Variants in APBB1IP observed in about 807,000 individuals in gnomAD.
APBB1IP encodes amyloid beta A4 precursor protein-binding family B member 1-interacting protein.
APBB1IP carries 27 observed loss-of-function variants against 64.9 expected under a neutral mutation model. That is an observed-to-expected ratio of 0.42 (90% CI 0.31 to 0.57). The LOEUF is 0.57. APBB1IP is among the 20% of genes least tolerant of loss of function. The pLI, the probability that APBB1IP is intolerant of heterozygous loss-of-function variation, is 0.20. For synonymous variants in APBB1IP, 392 were observed against 331.0 expected (o/e 1.18, Z -2.00); for missense variants, 812 against 845.5 (o/e 0.96, Z 0.49).
intron 8 of APBB1IP, among the ~76,000 whole-genome samples, chr10:26,516,461 T>C (rs895555443): frequency 1.4e-5 from 2 of 142,896 alleles, no homozygotes; most frequent in Non-Finnish European, 3.0e-5. Context: ...GGAGAATTGC[T>C]TGGACCCAGG....
chr10:26,462,906 T>C (rs918631657), intron 2 of APBB1IP, among the ~76,000 whole-genome samples: 2 of 152,224 alleles, frequency 1.3e-5, no homozygotes, highest in Admixed American at 6.5e-5. Context: ...ATAATTTTAA[T>C]GAAAGGGTTA....
intron 2 of APBB1IP, among the ~76,000 whole-genome samples, chr10:26,448,148 A>G (rs1291677273): frequency 2.6e-4 from 1 of 3,912 alleles, no homozygotes; most frequent in Non-Finnish European, 4.8e-3. Context: ...TTTAAAAATA[A>G]TATATTAATT....
intron 10 of APBB1IP, among the ~76,000 whole-genome samples, chr10:26,536,653 A>G (rs989064835): frequency 6.7e-6 from 1 of 148,930 alleles, no homozygotes; most frequent in Non-Finnish European, 1.5e-5. Flanking sequence ...GTACAGTGGC[A>G]TGATCTGGAC....
At chr10:26,517,833 T>C (rs1836351412) in intron 8 of APBB1IP, among the ~76,000 whole-genome samples, 1 of 152,272 alleles carries the variant, frequency 6.6e-6, no homozygotes, top group Non-Finnish European at 1.5e-5. Flanking sequence ...CAAGTAATGC[T>C]GTTGGGAGCA....
intron 8 of APBB1IP, among the ~76,000 whole-genome samples, chr10:26,528,743 C>T (rs1836511268): frequency 6.6e-6 from 1 of 152,146 alleles, no homozygotes; most frequent in African/African-American, 2.4e-5. Context: ...TTCAAACCAG[C>T]CTGGGCAACA....
rs1408174571 is a variant in APBB1IP at position 26,459,786 on chromosome 10, T to G, written c.-1+20933T>G. Among the ~76,000 whole-genome samples the G allele has an allele frequency of 2.6e-5, 4 of 152,188 alleles. No individual in the cohort carries two copies. In the South Asian group the frequency reaches 8.3e-4, roughly 31 times the overall value. ...GTCAGAGAATGTGGCTATTTCTCCT[T>G]TGAGAAATTTATTTACATTTTCTGG... On this transcript the variant is annotated intron_variant, in intron 2 of 14. Coordinates refer to ENST00000376236, the MANE Select transcript of APBB1IP (RefSeq NM_019043.4).
chr10:26,445,056 C>A (rs1246429344), intron 2 of APBB1IP, among the ~76,000 whole-genome samples: 3 of 149,610 alleles, frequency 2.0e-5, no homozygotes, highest in African/African-American at 4.9e-5. Flanking sequence ...CAAGATCATG[C>A]CACTGCACTC....
intron 13 of APBB1IP, among the ~76,000 whole-genome samples, chr10:26,561,064 C>T (rs140218181): frequency 1.4e-4 from 10 of 69,218 alleles, no homozygotes; most frequent in South Asian, 6.0e-4. Flanking sequence ...TTCTTTCTTT[C>T]TTTTTTTTTT....
Position 26,501,180 on chromosome 10 carries a change from T to G in APBB1IP, c.453+69T>G, listed in dbSNP as rs787039. On this transcript the variant is annotated intron_variant, in intron 5 of 14. Coordinates refer to ENST00000376236, the MANE Select transcript of APBB1IP (RefSeq NM_019043.4). Reference sequence around the variant, plus strand: ...TACCTATCACTGATGTTCCTTGAAGTGATCATTACATTCCTAAGTTGGTAC... The same window carrying G: ...TACCTATCACTGATGTTCCTTGAAGGGATCATTACATTCCTAAGTTGGTAC... 1.9e-6 allele frequency: 3 copies of G among 1,590,648 alleles called. No individual in the cohort carries two copies. The South Asian group carries it at 3.3e-5, about 18-fold the overall frequency.
intron 11 of APBB1IP, among the ~76,000 whole-genome samples, chr10:26,555,089 T>C (rs898087646): frequency 6.6e-6 from 1 of 152,156 alleles, no homozygotes; most frequent in African/African-American, 2.4e-5. Flanking sequence ...GCATGCCTGA[T>C]TTTCTTCCTG....
At chr10:26,504,241 T>C (rs1425709467) in intron 6 of APBB1IP, among the ~76,000 whole-genome samples, 1 of 152,248 alleles carries the variant, frequency 6.6e-6, no homozygotes, top group African/African-American at 2.4e-5. Context: ...GTGCTCTGGT[T>C]TCAAAATAGG....
chr10:26,449,293 TTA>T (rs749042105), intron 2 of APBB1IP, among the ~76,000 whole-genome samples: 16 of 151,996 alleles, frequency 1.1e-4, no homozygotes, highest in Non-Finnish European at 1.6e-4. Flanking sequence ...GGGTGTGTGT[TTA>T]TGTTTGTGTG....
intron 3 of APBB1IP, among the ~76,000 whole-genome samples, chr10:26,494,649 AC>A (rs1490105723): frequency 6.6e-6 from 1 of 152,004 alleles, no homozygotes; most frequent in Admixed American, 6.6e-5. Context: ...ATATGGTGAA[AC>A]CCCATCTTTA....
At chr10:26,468,471 A>C (rs1489746685) in intron 2 of APBB1IP, among the ~76,000 whole-genome samples, 2 of 152,192 alleles carry the variant, frequency 1.3e-5, no homozygotes, top group African/African-American at 2.4e-5. Context: ...TCAGGGCAGA[A>C]AACCTTGACC....
intron 2 of APBB1IP, among the ~76,000 whole-genome samples, chr10:26,486,258 A>T (rs551090029): frequency 1.2e-4 from 18 of 152,234 alleles, no homozygotes; most frequent in Admixed American, 1.0e-3. Context: ...AATTTGCAGC[A>T]ACGGTGGTGG....
chr10:26,503,164 G>T (rs759103707), intron 5 of APBB1IP, 33 bp from the exon 6 acceptor site: 2 of 1,605,870 alleles, frequency 1.2e-6, no homozygotes, highest in South Asian at 2.2e-5. Flanking sequence ...TTACTTAATG[G>T]ACTGTATTGA....
intron 2 of APBB1IP, among the ~76,000 whole-genome samples, chr10:26,447,312 T>C (rs969761595): frequency 5.5e-5 from 8 of 144,984 alleles, no homozygotes; most frequent in African/African-American, 1.8e-4. Context: ...GAAGCGGAGT[T>C]TGCAGTGAGC....
At chr10:26,527,533 AC>A (rs1445161320) in intron 8 of APBB1IP, among the ~76,000 whole-genome samples, 1 of 144,704 alleles carries the variant, frequency 6.9e-6, no homozygotes, top group East Asian at 2.0e-4. Context: ...ACAGAGCAAT[AC>A]CTTGTCTCAA....
At chr10:26,476,532 C>A (rs1055161308) in intron 2 of APBB1IP, among the ~76,000 whole-genome samples, 1 of 150,736 alleles carries the variant, frequency 6.6e-6, no homozygotes, top group Non-Finnish European at 1.5e-5. Context: ...AAGTAAGAAT[C>A]GTGTAATGGA....
Sources: gnomAD v4.1 joint callset for allele counts (sites outside exome capture counted in the v4.1 genomes callset) on GRCh38, gnomAD v4.1.1 for gene constraint, MANE v1.5 for transcripts, NCBI Gene and HGNC (gene_info 2026-07-23, HGNC 2026-07-21) for gene names.